Variants in POT1 observed in about 807,000 individuals in gnomAD.
POT1 encodes the protein protection of telomeres 1, also known as protection of telomeres protein 1.
A neutral mutation model predicts 78.5 loss-of-function variants in POT1; 47 were observed. The observed-to-expected ratio is 0.60, with a 90% CI of 0.47 to 0.76. The LOEUF is 0.76. Ranked by LOEUF, POT1 falls within the 30% of genes least tolerant of loss-of-function variation. POT1 has a pLI of 0.00. For synonymous variants in POT1, 259 were observed against 260.7 expected (o/e 0.99, Z 0.06); for missense variants, 646 against 749.9 (o/e 0.86, Z 1.62).
chr7:124,831,586 A>G (rs973882463), intron 15 of POT1, among the ~76,000 whole-genome samples: 4 of 152,190 alleles, frequency 2.6e-5, no homozygotes, highest in African/African-American at 9.6e-5. Flanking sequence ...AGGGAAATAG[A>G]CAAGAAAACA....
chr7:124,904,751 C>T (rs1039474898), intron 3 of POT1, among the ~76,000 whole-genome samples: 9 of 152,134 alleles, frequency 5.9e-5, no homozygotes, highest in Non-Finnish European at 8.8e-5. Flanking sequence ...AAAACCCCAT[C>T]GGTCTCAGCT....
rs540953786 is a variant in POT1, at chr7:124,901,153, T to C, written c.-153-2779A>G. Among the ~76,000 whole-genome samples the C allele has an allele frequency of 6.4e-4, 98 of 152,288 alleles. 1 individual carries two copies. The highest frequency in any genetic ancestry group is 1.0e-3 in the South Asian group (5 of 4,824). On this transcript the variant is annotated intron_variant, in intron 3 of 18. Transcript: ENST00000357628. ...CTGACAGCTTTGAAGAGAGCAGTGG[T>C]TCTCCCAGCATGGAGTATGAGATCT...
At position 124,843,561 on chromosome 7, in the gene POT1, G is replaced by GA. The variant is rs1375421706; in HGVS notation, c.1007-599dup. Among the ~76,000 whole-genome samples, 24 of 151,844 alleles carry GA rather than the reference G, an allele frequency of 1.6e-4. No individual in the cohort carries two copies. The East Asian group carries it at 2.3e-3, about 15-fold the overall frequency. On this transcript the variant is annotated intron_variant, in intron 12 of 18. Transcript: ENST00000357628. ...AATAAGAGGAAGTTGAGTCAAACTGGAAAAAAAACTCAGACAAAAGCATTA... is the reference window on the plus strand; with the variant it reads ...AATAAGAGGAAGTTGAGTCAAACTGGAAAAAAAAACTCAGACAAAAGCATTA...
chr7:124,863,247 T>A, intron 8 of POT1, 103 bp downstream of exon 8: 1 of 1,154,704 alleles, frequency 8.7e-7, no homozygotes, highest in Non-Finnish European at 1.2e-6. Context: ...GTTCCTAGTA[T>A]AATACACAGC....
intron 3 of POT1, among the ~76,000 whole-genome samples, chr7:124,903,236 C>T (rs1484240187): frequency 1.3e-5 from 2 of 152,160 alleles, no homozygotes; most frequent in Non-Finnish European, 2.9e-5. Context: ...TTCTCAGCAC[C>T]ACATCGCACT....
chr7:124,900,002 A>T (rs1012830117), intron 3 of POT1, among the ~76,000 whole-genome samples: 9 of 152,332 alleles, frequency 5.9e-5, no homozygotes, highest in South Asian at 4.1e-4. Context: ...AGCTACACAC[A>T]ATTCAGTAAA....
At chr7:124,924,799 T>C (rs369778044) in intron 2 of POT1, among the ~76,000 whole-genome samples, 1 of 152,168 alleles carries the variant, frequency 6.6e-6, no homozygotes, top group East Asian at 1.9e-4. Context: ...GACGCAAGAA[T>C]AGTTCAACAT....
At chr7:124,901,522 A>G (rs575102832) in intron 3 of POT1, among the ~76,000 whole-genome samples, 7 of 152,194 alleles carry the variant, frequency 4.6e-5, no homozygotes, top group Non-Finnish European at 1.0e-4. Context: ...ACCCATCTGT[A>G]GGTCACCATC....
intron 7 of POT1, among the ~76,000 whole-genome samples, chr7:124,869,292 A>G (rs1795808318): frequency 6.6e-6 from 1 of 152,168 alleles, no homozygotes; most frequent in Admixed American, 6.5e-5. Flanking sequence ...AGAGGTCATG[A>G]GACTCTTTAC....
intron 11 of POT1, among the ~76,000 whole-genome samples, chr7:124,847,266 G>A (rs1481207796): frequency 6.6e-6 from 1 of 152,180 alleles, no homozygotes; most frequent in Non-Finnish European, 1.5e-5. Context: ...GGACTGAGGT[G>A]GGCAGATCAC....
In POT1 at chr7:124,893,984, A is replaced by T. The variant is rs568112223; in HGVS notation, c.10-1604T>A. ...ATAATAATAAGAGAACCAAAAGATAATTTTTTGAAATAACTGTGAATAAGT... is the reference window on the plus strand; with the variant it reads ...ATAATAATAAGAGAACCAAAAGATATTTTTTTGAAATAACTGTGAATAAGT... On this transcript the variant is annotated intron_variant, in intron 5 of 18. Transcript: ENST00000357628. Among the ~76,000 whole-genome samples, 3 of 151,600 alleles carry T rather than the reference A, an allele frequency of 2.0e-5. No homozygotes were observed. In the South Asian group the frequency reaches 6.2e-4, roughly 31 times the overall value.
At position 124,883,719 on chromosome 7, in the gene POT1, A is replaced by G. The variant is rs112735931; in HGVS notation, c.124+8547T>C. On this transcript the variant is annotated intron_variant, in intron 6 of 18. Coordinates refer to ENST00000357628, the MANE Select transcript of POT1 (RefSeq NM_015450.3). ...AAGTCTGTATACGTGTATGTGTTGT[A>G]TATTTTTCTAGGATAGGTTCTATAA... Among the ~76,000 whole-genome samples the G allele has an allele frequency of 3.8e-3, 575 of 152,124 alleles. 4 individuals are homozygous for G. Among genetic ancestry groups the G allele is most frequent in the African/African-American group, 0.013 (531 of 41,532 alleles).
chr7:124,840,388 G>A (rs1174376022), intron 14 of POT1, among the ~76,000 whole-genome samples: 1 of 151,444 alleles, frequency 6.6e-6, no homozygotes, highest in African/African-American at 2.4e-5. Flanking sequence ...CAATGAAAAG[G>A]TTACAAGGGA....
chr7:124,918,638 G>A lies in POT1; in HGVS notation c.-226-2992C>T, dbSNP rs566303995. The stretch of plus-strand genomic sequence containing the variant: ...GTGAGCAAAGAAAACTGGAACCTGA[G>A]TTAAAAGACAAGCTTTGAAAATTAA... On this transcript the variant is annotated intron_variant, in intron 2 of 18. Transcript: ENST00000357628. Among the ~76,000 whole-genome samples, 5 of 152,294 alleles carry A rather than the reference G, an allele frequency of 3.3e-5. No individual in the cohort carries two copies. The South Asian group carries it at 1.0e-3, about 32-fold the overall frequency.
At chr7:124,873,653 G>A (rs1265072356) in intron 6 of POT1, among the ~76,000 whole-genome samples, 1 of 152,118 alleles carries the variant, frequency 6.6e-6, no homozygotes, top group East Asian at 1.9e-4. Context: ...ATTTTTGGAA[G>A]AGGCTGAGAA....
At chr7:124,827,518 T>C (rs895732540) in intron 16 of POT1, among the ~76,000 whole-genome samples, 7 of 152,168 alleles carry the variant, frequency 4.6e-5, no homozygotes, top group Non-Finnish European at 8.8e-5. Flanking sequence ...ATTGCCTGCT[T>C]GGTGTGTGGG....
At chr7:124,832,345 C>T (rs1443863749) in intron 15 of POT1, among the ~76,000 whole-genome samples, 1 of 149,410 alleles carries the variant, frequency 6.7e-6, no homozygotes, top group Non-Finnish European at 1.5e-5. Flanking sequence ...TGTGATGTTA[C>T]TTTTTTAATT....
chr7:124,829,676 C>A (rs1050982824), intron 15 of POT1, among the ~76,000 whole-genome samples: 2 of 151,448 alleles, frequency 1.3e-5, no homozygotes, highest in African/African-American at 4.9e-5. Context: ...AAATGATCAT[C>A]TCTAAGAATT....
chr7:124,866,368 G>C (rs1199640850), intron 7 of POT1, among the ~76,000 whole-genome samples: 1 of 152,068 alleles, frequency 6.6e-6, no homozygotes, highest in Non-Finnish European at 1.5e-5. Flanking sequence ...GTATTAATAA[G>C]GTTATTTGTC....
Sources: allele counts gnomAD v4.1 joint callset (sites outside exome capture counted in the v4.1 genomes callset), GRCh38; gene constraint gnomAD v4.1.1; transcripts MANE v1.5; gene names NCBI Gene and HGNC (gene_info 2026-07-23, HGNC 2026-07-21).